PRMT7: variants seen among roughly 807,000 people sequenced by gnomAD.
The protein encoded by PRMT7 is protein arginine N-methyltransferase 7.
PRMT7 carries 75 observed loss-of-function variants against 85.4 expected under a neutral mutation model. The ratio of observed to expected loss-of-function variants is 0.88; its 90% CI spans 0.73 to 1.06. PRMT7 has a LOEUF of 1.06. PRMT7 is among the 50% of genes least tolerant of loss of function. The probability of loss-of-function intolerance (pLI) is 0.00; values close to 1 mark genes in which losing one functional copy is unlikely to be tolerated. For synonymous variants in PRMT7, 397 were observed against 359.5 expected, an observed-to-expected ratio of 1.10 and a Z score of -1.18; for missense variants, 868 against 915.2, an observed-to-expected ratio of 0.95 and a Z score of 0.67.
At chr16:68,331,252 G>C (rs982755707) in intron 6 of PRMT7, among the ~76,000 whole-genome samples, 1 of 151,888 alleles carries the variant, frequency 6.6e-6, no homozygotes, top group Non-Finnish European at 1.5e-5. Context: ...ATGCTGGTAA[G>C]ATTCTTCCAC....
At chr16:68,360,301 T>G (rs1245038128), downstream of PRMT7, 1 of 152,276 alleles carries the variant, frequency 6.6e-6, no homozygotes, top group Non-Finnish European at 1.5e-5. Flanking sequence ...ATTTTCAAAA[T>G]CAGGATCCCC....
At position 68,318,575 on chromosome 16, in the gene PRMT7, C is replaced by T. The variant is rs138484509; in HGVS notation, c.95+2501C>T. 5.1e-3 allele frequency among the ~76,000 whole-genome samples: 770 copies of T among 152,266 alleles called. 2 individuals carry two copies. The highest frequency in any genetic ancestry group is 0.01 in the Middle Eastern group (3 of 294). On this transcript the variant is annotated intron_variant, in intron 3 of 18. Transcript: ENST00000441236. ...TTCAGATGGAGTCTTACTCTGTTGC[C>T]TTGGCTGGAGTGCAGTGGCGCAGTC...
chr16:68,317,007 T>G (rs1219012486), intron 3 of PRMT7: 3 of 144,658 alleles, frequency 2.1e-5, no homozygotes, highest in Non-Finnish European at 3.0e-5. Flanking sequence ...GTGGAGGGGG[T>G]GGTGGCGGCT....
At chr16:68,349,052 A>T (rs1249792317) in intron 14 of PRMT7, among the ~76,000 whole-genome samples, 2 of 151,944 alleles carry the variant, frequency 1.3e-5, no homozygotes, top group Non-Finnish European at 2.9e-5. Context: ...TCCTGTCTTC[A>T]TTCCCCGTCC....
intron 2 of PRMT7, among the ~76,000 whole-genome samples, chr16:68,313,179 C>T (rs2044181226): frequency 6.6e-6 from 1 of 152,138 alleles, no homozygotes; most frequent in African/African-American, 2.4e-5. Context: ...AGCAACATCA[C>T]AGACAAGAAA....
intron 9 of PRMT7, among the ~76,000 whole-genome samples, chr16:68,341,499 T>C (rs539115526): frequency 2.2e-4 from 33 of 152,266 alleles, no homozygotes; most frequent in Non-Finnish European, 2.4e-4. Flanking sequence ...AACCTCTACC[T>C]CCCGGGTTCA....
chr16:68,352,359 A>G lies in PRMT7; in HGVS notation c.1525A>G (p.Met509Val), dbSNP rs1435681470. 3.1e-6 allele frequency: 5 copies of G among 1,610,858 alleles called. No individual in the cohort carries two copies. Among genetic ancestry groups the G allele is most frequent in the Non-Finnish European group, 4.2e-6 (5 of 1,179,812 alleles). ...GGACCAGCACCTGGGGCCAGGTGCC[A>G]TGGTGATGCCCCAGGCAGCCTCGCT... ...AVDQHLGPGA[M>V]VMPQAASLHA... Residue 509 changes from methionine (M) to valine (V), a missense_variant, in exon 15 of 19, where the codon ATG becomes GTG. By Grantham distance (21) the Met-to-Val change is conservative. Transcript: ENST00000441236.
Position 68,353,555 on chromosome 16 carries a change from G to C in PRMT7, c.1639G>C (p.Asp547His), listed in dbSNP as rs145643416. The stretch of plus-strand genomic sequence containing the variant: ...AGGCTTCGACGTGCACATCATGGAC[G>C]ACATGATTAAGGTAGGCAGGGCCAC... ...CEGFDVHIMD[D>H]MIKRALDFRE... Residue 547 changes from aspartate to histidine, a missense_variant, in exon 16 of 19, where the codon GAC (aspartate) becomes CAC (histidine). Asp to His is a moderately conservative substitution (Grantham distance 81). Coordinates refer to ENST00000441236, the MANE Select transcript of PRMT7 (RefSeq NM_019023.5). 3 of 1,582,498 alleles carry C rather than the reference G, an allele frequency of 1.9e-6. No individual in the cohort carries two copies. Among genetic ancestry groups the C allele is most frequent in the Non-Finnish European group, 2.6e-6 (3 of 1,165,238 alleles).
chr16:68,359,713 G>GCAA (rs2089124676), downstream of PRMT7: 1 of 152,612 alleles, frequency 6.6e-6, no homozygotes, highest in African/African-American at 2.4e-5. Context: ...GCGCCACGAG[G>GCAA]AGCGGAGGTC....
At chr16:68,332,973 A>G (rs1429189019) in intron 6 of PRMT7, among the ~76,000 whole-genome samples, 2 of 152,070 alleles carry the variant, frequency 1.3e-5, no homozygotes, top group Non-Finnish European at 2.9e-5. Context: ...TTATTCCACT[A>G]TGGCCAGAGT....
At position 68,341,434 on chromosome 16, in the gene PRMT7, A is replaced by T. The variant is rs534779147; in HGVS notation, c.927+1466A>T. On this transcript the variant is annotated intron_variant, in intron 9 of 18. Transcript: ENST00000441236. ...TTTTTGTTTGTTTGTTTTGAGATGG[A>T]GTTTCGTTCTTGTTGGTCAGGCTGG... 9.2e-5 allele frequency among the ~76,000 whole-genome samples: 14 copies of T among 152,226 alleles called. No individual in the cohort carries two copies. In the South Asian group the frequency reaches 2.9e-3, roughly 32 times the overall value.
rs1171958772 is a variant in PRMT7, at chr16:68,339,574, G to A, written c.746+11G>A. ...GCTGCCCATGTTCAGGTACCAAGGA[G>A]CCACCATAGGTGATGGCGCTTTGAG... On this transcript the variant is annotated intron_variant, in intron 8 of 18. Coordinates refer to ENST00000441236, the MANE Select transcript of PRMT7 (RefSeq NM_019023.5). 1 of 1,611,382 alleles carries A rather than the reference G, an allele frequency of 6.2e-7. No homozygotes were observed. Among genetic ancestry groups the A allele is most frequent in the Non-Finnish European group, 8.5e-7 (1 of 1,178,578 alleles).
chr16:68,312,804 G>C (rs80325263), intron 2 of PRMT7, among the ~76,000 whole-genome samples: 3,464 of 152,258 alleles, frequency 0.023, 153 homozygotes, highest in African/African-American at 0.078. Context: ...TCATAAAATT[G>C]TTAACACAAG....
At position 68,347,685 on chromosome 16, in the gene PRMT7, G is replaced by A; in HGVS notation, c.1323+7G>A. On this transcript the variant is annotated splice_region_variant and intron_variant, in intron 13 of 18. Coordinates refer to ENST00000441236, the MANE Select transcript of PRMT7 (RefSeq NM_019023.5). ...TCACAAACTGTTGAGAAAAGTAAGTGAGAATTGTTGTTGCTGAAATAGTGA... is the reference window on the plus strand; with the variant it reads ...TCACAAACTGTTGAGAAAAGTAAGTAAGAATTGTTGTTGCTGAAATAGTGA... The A allele has an allele frequency of 6.2e-7, 1 of 1,613,460 alleles. No homozygotes were observed. The highest frequency in any genetic ancestry group is 2.2e-5 in the East Asian group (1 of 44,876).
intron 8 of PRMT7, 68 bp downstream of exon 8, chr16:68,339,631 CT>C: frequency 6.2e-7 from 1 of 1,601,390 alleles, no homozygotes. Context: ...TTAGGAGGTT[CT>C]TTTTGAGTGG....
intron 9 of PRMT7, among the ~76,000 whole-genome samples, chr16:68,343,157 C>T (rs2085796810): frequency 6.6e-6 from 1 of 151,966 alleles, no homozygotes; most frequent in African/African-American, 2.4e-5. Flanking sequence ...TAAGCTGAGA[C>T]TGCACCATTG....
Position 68,353,489 on chromosome 16 carries a change from C to T in PRMT7, c.1576-3C>T, listed in dbSNP as rs1385594857. 3.7e-6 allele frequency: 6 copies of T among 1,610,260 alleles called. No homozygotes were observed. The highest frequency in any genetic ancestry group is 5.1e-6 in the Non-Finnish European group (6 of 1,178,618). On this transcript the variant is annotated splice_polypyrimidine_tract_variant and splice_region_variant and intron_variant, in intron 15 of 18. Coordinates refer to ENST00000441236, the MANE Select transcript of PRMT7 (RefSeq NM_019023.5). ...TGTGGACGGGGCTGCTCCTTCCTCACAGGACCTGTGGCGGATCCGGAGCCC... is the reference window on the plus strand; with the variant it reads ...TGTGGACGGGGCTGCTCCTTCCTCATAGGACCTGTGGCGGATCCGGAGCCC...
chr16:68,340,448 C>T (rs978592941), intron 9 of PRMT7, among the ~76,000 whole-genome samples: 2 of 152,092 alleles, frequency 1.3e-5, no homozygotes, highest in Admixed American at 1.3e-4. Context: ...TTTAGCTGCT[C>T]ACAGCACCTA....
At chr16:68,319,849 A>C (rs944181787) in intron 3 of PRMT7, among the ~76,000 whole-genome samples, 4 of 152,132 alleles carry the variant, frequency 2.6e-5, no homozygotes, top group African/African-American at 9.7e-5. Flanking sequence ...TTGAATTCCC[A>C]GAAAGCGTGG....
Sources: gnomAD v4.1 joint callset for allele counts (sites outside exome capture counted in the v4.1 genomes callset) on GRCh38, gnomAD v4.1.1 for gene constraint, MANE v1.5 for transcripts, NCBI Gene and HGNC (gene_info 2026-07-23, HGNC 2026-07-21) for gene names.